The following ITFG1 variants were observed in gnomAD, a reference collection of about 807,000 sequenced individuals.
The protein encoded by ITFG1 is integrin alpha FG-GAP repeat containing 1, also known as T-cell immunomodulatory protein.
In ITFG1, 34 loss-of-function variants were observed where a neutral mutation model predicts 81.8. The observed-to-expected ratio is 0.42, with a 90% confidence interval of 0.32 to 0.55. ITFG1 has a LOEUF of 0.55. ITFG1 is among the 20% of genes least tolerant of loss of function. The pLI is 0.17. For missense variants in ITFG1, 672 were observed against 755.4 expected, an observed-to-expected ratio of 0.89 and a Z score of 1.29; for synonymous variants, 285 against 270.6, an observed-to-expected ratio of 1.05 and a Z score of -0.52.
At chr16:47,381,105 T>C (rs968006848) in intron 6 of ITFG1, among the ~76,000 whole-genome samples, 4 of 152,230 alleles carry the variant, frequency 2.6e-5, no homozygotes, top group Non-Finnish European at 5.9e-5. Flanking sequence ...AACTGCAGCT[T>C]AGCCTTCCTT....
chr16:47,189,507 T>C (rs9928466), intron 14 of ITFG1, among the ~76,000 whole-genome samples: 18,139 of 152,226 alleles, frequency 0.12, 2,344 homozygotes, highest in African/African-American at 0.33. Context: ...AATAGTTTAG[T>C]ATGGTTCATC....
At chr16:47,285,723 G>A (rs1212102348) in intron 10 of ITFG1, among the ~76,000 whole-genome samples, 1 of 152,186 alleles carries the variant, frequency 6.6e-6, no homozygotes, top group Non-Finnish European at 1.5e-5. Flanking sequence ...TGGTGTGAGA[G>A]TAGAGGAAAA....
At chr16:47,201,430 A>C (rs1483878994) in intron 14 of ITFG1, among the ~76,000 whole-genome samples, 2 of 151,800 alleles carry the variant, frequency 1.3e-5, no homozygotes, top group Non-Finnish European at 2.9e-5. Context: ...GATGGTCTAG[A>C]TCTCCTGACC....
In ITFG1 at chr16:47,275,574, G is replaced by GT. The variant is rs1177744109; in HGVS notation, c.1071-14880dup. On this transcript the variant is annotated intron_variant, in intron 10 of 17. Coordinates refer to ENST00000320640, the MANE Select transcript of ITFG1 (RefSeq NM_030790.5). ...GCTGTAGGAGATCAATATATAATCT[G>GT]TTTTTCACCAACTGTAGAGGTATAG... 6.6e-5 allele frequency among the ~76,000 whole-genome samples: 10 copies of GT among 152,056 alleles called. No homozygotes were observed. The South Asian group carries it at 2.1e-3, about 31-fold the overall frequency.
chr16:47,375,762 T>C, intron 7 of ITFG1, 114 bp downstream of exon 7: 1 of 736,794 alleles, frequency 1.4e-6, no homozygotes, highest in Non-Finnish European at 2.4e-6. Context: ...GCTCTTAAAG[T>C]TTTCTATTTA....
chr16:47,180,486 G>C (rs1000350689), intron 14 of ITFG1, among the ~76,000 whole-genome samples: 5 of 149,524 alleles, frequency 3.3e-5, no homozygotes, highest in African/African-American at 4.9e-5. Context: ...CTCCCTGCCT[G>C]ATTCTCCTGC....
chr16:47,337,923 A>G lies in ITFG1; in HGVS notation c.803-24100T>C, dbSNP rs148572226. On this transcript the variant is annotated intron_variant, in intron 8 of 17. Transcript: ENST00000320640. The stretch of plus-strand genomic sequence containing the variant: ...GCCCTAGCACAGAGCCAGTCTGCAA[A>G]GACTGGGAAATATGATTGCTGTTTG... 2.0e-5 allele frequency among the ~76,000 whole-genome samples: 3 copies of G among 152,370 alleles called. No individual in the cohort carries two copies. In the East Asian group the frequency reaches 5.8e-4, roughly 29 times the overall value.
rs542746808 is a variant in ITFG1 at position 47,410,570 on chromosome 16, G to A, written c.655+18234C>T. ...CACTGAGAGTTGGCAGAGAGGTGAC[G>A]CAGACAACAGGTCTGAAGAGGGAGG... On this transcript the variant is annotated intron_variant, in intron 6 of 17. Transcript: ENST00000320640. Among the ~76,000 whole-genome samples, 5 of 152,154 alleles carry A rather than the reference G, an allele frequency of 3.3e-5. 1 individual carries two copies. The highest frequency in any genetic ancestry group is 3.9e-4 in the East Asian group (2 of 5,160).
intron 15 of ITFG1, 45 bp downstream of exon 15, chr16:47,162,494 AT>A (rs1964822339): frequency 7.1e-7 from 1 of 1,416,506 alleles, no homozygotes; most frequent in East Asian, 2.3e-5. Flanking sequence ...TAAATAGTGA[AT>A]ATTAAAACAT....
intron 8 of ITFG1, among the ~76,000 whole-genome samples, chr16:47,355,337 T>G (rs537286691): frequency 6.6e-6 from 1 of 152,102 alleles, no homozygotes; most frequent in Admixed American, 6.5e-5. Context: ...GAATCTAAAA[T>G]AAGTAGATCT....
At chr16:47,449,241 C>G (rs1025487326) in intron 5 of ITFG1, 1 of 152,198 alleles carries the variant, frequency 6.6e-6, no homozygotes, top group East Asian at 1.9e-4. Flanking sequence ...TTGGCATATC[C>G]ATAAAGCATA....
chr16:47,338,168 G>C (rs1476358496), intron 8 of ITFG1, among the ~76,000 whole-genome samples: 4 of 152,208 alleles, frequency 2.6e-5, no homozygotes, highest in Non-Finnish European at 5.9e-5. Context: ...CCAGCACTTT[G>C]GGAGTCTGAG....
chr16:47,455,612 T>C (rs1008053778), intron 2 of ITFG1, among the ~76,000 whole-genome samples: 1 of 151,176 alleles, frequency 6.6e-6, no homozygotes, highest in Non-Finnish European at 1.5e-5. Context: ...CTATTAAAAA[T>C]ACAAAAAGTA....
chr16:47,428,437 A>G (rs1156977131), intron 6 of ITFG1, among the ~76,000 whole-genome samples: 1 of 152,164 alleles, frequency 6.6e-6, no homozygotes, highest in Non-Finnish European at 1.5e-5. Context: ...CTGTGAAATT[A>G]TTCTTGTACA....
intron 6 of ITFG1, among the ~76,000 whole-genome samples, chr16:47,387,068 T>C (rs1968472059): frequency 6.6e-6 from 1 of 152,086 alleles, no homozygotes; most frequent in African/African-American, 2.4e-5. Context: ...TATCAGACCA[T>C]GGAGCAATTT....
intron 6 of ITFG1, among the ~76,000 whole-genome samples, chr16:47,384,732 A>T (rs1968438255): frequency 6.6e-6 from 1 of 152,216 alleles, no homozygotes; most frequent in African/African-American, 2.4e-5. Context: ...TGATTCAAAC[A>T]TCTTTTAAAT....
intron 12 of ITFG1, among the ~76,000 whole-genome samples, chr16:47,246,039 T>G (rs1464095376): frequency 1.3e-5 from 2 of 152,218 alleles, no homozygotes; most frequent in Non-Finnish European, 2.9e-5. Context: ...CTGTATAAGA[T>G]AAAATGTCTG....
intron 10 of ITFG1, among the ~76,000 whole-genome samples, chr16:47,298,914 C>T (rs1363867928): frequency 6.6e-6 from 1 of 151,972 alleles, no homozygotes; most frequent in Non-Finnish European, 1.5e-5. Context: ...TGCTCAAGGG[C>T]TTGAGTCACC....
intron 10 of ITFG1, among the ~76,000 whole-genome samples, chr16:47,310,993 T>G (rs527861326): frequency 2.6e-5 from 4 of 151,862 alleles, no homozygotes; most frequent in Admixed American, 2.6e-4. Context: ...GAGTGAAATA[T>G]AACTGTTTGC....
Sources: gnomAD v4.1 joint callset for allele counts (sites outside exome capture counted in the v4.1 genomes callset) on GRCh38, gnomAD v4.1.1 for gene constraint, MANE v1.5 for transcripts, NCBI Gene and HGNC (gene_info 2026-07-23, HGNC 2026-07-21) for gene names.